MACF1: variants seen among roughly 807,000 people sequenced by gnomAD.
MACF1 encodes the protein microtubule actin crosslinking factor 1.
MACF1 carries 193 observed loss-of-function variants against 854.8 expected under a neutral mutation model. The observed-to-expected ratio is 0.23, with a 90% CI of 0.20 to 0.25. MACF1 has a LOEUF of 0.25. Ranked by LOEUF, MACF1 falls within the 10% of genes least tolerant of loss-of-function variation. MACF1 has a pLI of 1.00. For synonymous variants in MACF1, 3,185 were observed against 3,226.7 expected (o/e 0.99, Z 0.44); for missense variants, 7,722 against 8,929.1 (o/e 0.86, Z 5.45).
intron 6 of MACF1, among the ~76,000 whole-genome samples, chr1:39,270,077 A>G (rs1157534219): frequency 6.6e-6 from 1 of 152,210 alleles, no homozygotes; most frequent in Non-Finnish European, 1.5e-5. Flanking sequence ...ACAAGAGACG[A>G]TGGGGAAGGG....
At chr1:39,357,082 C>T (rs1010444369) in intron 44 of MACF1, among the ~76,000 whole-genome samples, 1 of 152,138 alleles carries the variant, frequency 6.6e-6, no homozygotes, top group African/African-American at 2.4e-5. Flanking sequence ...CTACTTCTAG[C>T]TTATAGGTAG....
At chr1:39,133,534 T>TCTC (rs559873975) in intron 2 of MACF1, among the ~76,000 whole-genome samples, 72 of 151,998 alleles carry the variant, frequency 4.7e-4, no homozygotes, top group South Asian at 1.5e-3. Context: ...CCTCATCCTT[T>TCTC]CTCCTCCTCC....
chr1:39,385,336 G>A, intron 56 of MACF1, 98 bp from the exon 57 acceptor site: 2 of 1,350,776 alleles, frequency 1.5e-6, no homozygotes, highest in South Asian at 2.8e-5. Context: ...CCAAAGTGCT[G>A]CGATTACAGG....
At chr1:39,477,145 C>CATATATACACTTAGTGT (rs1344013999) in intron 97 of MACF1, among the ~76,000 whole-genome samples, 1 of 133,888 alleles carries the variant, frequency 7.5e-6, no homozygotes, top group Non-Finnish European at 1.6e-5. Context: ...TACACACACA[C>CATATATACACTTAGTGT]ACACACACAG....
chr1:39,348,678 G>A (rs932932947), intron 41 of MACF1, among the ~76,000 whole-genome samples: 1 of 152,180 alleles, frequency 6.6e-6, no homozygotes, highest in Non-Finnish European at 1.5e-5. Flanking sequence ...CCATCAGAAG[G>A]TAGAAACTGG....
chr1:39,228,910 T>C (rs973889797), intron 1 of MACF1, among the ~76,000 whole-genome samples: 17 of 152,210 alleles, frequency 1.1e-4, no homozygotes, highest in Non-Finnish European at 2.9e-5. Flanking sequence ...CACCTCAGCC[T>C]CCCAAAGTGC....
intron 17 of MACF1, 28 bp from the exon 18 acceptor site, chr1:39,293,430 C>A: frequency 6.3e-7 from 1 of 1,586,470 alleles, no homozygotes; most frequent in Admixed American, 1.8e-5. Flanking sequence ...GGCTGCCAGT[C>A]TAATCTTATA....
intron 2 of MACF1, among the ~76,000 whole-genome samples, chr1:39,198,181 G>C (rs960844683): frequency 6.6e-6 from 1 of 152,114 alleles, no homozygotes; most frequent in East Asian, 1.9e-4. Flanking sequence ...TTGGACTACA[G>C]AGTAAGACCC....
chr1:39,435,410 C>A, intron 69 of MACF1, 148 bp from the exon 70 acceptor site: 2 of 656,274 alleles, frequency 3.0e-6, no homozygotes, highest in Non-Finnish European at 5.3e-6. Flanking sequence ...TTTTTCTGTT[C>A]CCACACAAAT....
At chr1:39,368,073 C>T (rs1648896435) in intron 49 of MACF1, 75 bp from the exon 50 acceptor site, 5 of 1,258,896 alleles carry the variant, frequency 4.0e-6, no homozygotes, top group Non-Finnish European at 5.6e-6. Context: ...GCAAGCATAC[C>T]TCTTTCCTTA....
Position 39,105,440 on chromosome 1 carries a change from C to T in MACF1, c.220+21002C>T. 4.0e-6 allele frequency: 4 copies of T among 994,480 alleles called. No individual in the cohort carries two copies. The highest frequency in any genetic ancestry group is 4.8e-6 in the Non-Finnish European group (4 of 837,484). The allele number at this position is 994,480 out of a possible 1,614,324, so 61.6% of individuals were successfully genotyped here. A position where few individuals can be genotyped will look rare whatever the true frequency, so the allele number is the denominator to read the frequency against. On this transcript the variant is annotated intron_variant, in intron 2 of 93. Transcript: ENST00000361689. The surrounding 1 kb of genome is among the most constrained non-coding windows in gnomAD (Gnocchi z 5.9). ...CGGCGGAGCGCGAGCGGGCCGGGTGCGAGCGGACTGAGGAGCGGAGCGCGA... is the reference window on the plus strand; with the variant it reads ...CGGCGGAGCGCGAGCGGGCCGGGTGTGAGCGGACTGAGGAGCGGAGCGCGA...
intron 2 of MACF1, among the ~76,000 whole-genome samples, chr1:39,248,892 C>CT (rs903136204): frequency 1.0e-4 from 15 of 148,122 alleles, no homozygotes; most frequent in South Asian, 4.3e-4. Context: ...CCATGCCTGG[C>CT]TTTTTTTTTT....
At chr1:39,176,293 T>A (rs1009748437) in intron 2 of MACF1, among the ~76,000 whole-genome samples, 3 of 131,972 alleles carry the variant, frequency 2.3e-5, no homozygotes, top group Admixed American at 7.8e-5. Context: ...AAAAAAAAAA[T>A]TCTCACTTTC....
chr1:39,419,726 G>A (rs557711038), intron 58 of MACF1, among the ~76,000 whole-genome samples: 5 of 151,742 alleles, frequency 3.3e-5, no homozygotes, highest in Non-Finnish European at 7.4e-5. Context: ...TCCACCTCCC[G>A]GGTTCAAGCA....
chr1:39,403,297 C>T (rs544311052), intron 58 of MACF1, among the ~76,000 whole-genome samples: 1 of 152,184 alleles, frequency 6.6e-6, no homozygotes, highest in Admixed American at 6.5e-5. Context: ...CGGGGTTTCG[C>T]CATGTTGGCC....
At chr1:39,477,025 C>G (rs1169492133) in intron 97 of MACF1, among the ~76,000 whole-genome samples, 1 of 145,202 alleles carries the variant, frequency 6.9e-6, no homozygotes, top group African/African-American at 2.5e-5. Context: ...TATATATACA[C>G]ACACATATAT....
At chr1:39,315,033 A>G (rs1344484866) in intron 26 of MACF1, among the ~76,000 whole-genome samples, 3 of 152,198 alleles carry the variant, frequency 2.0e-5, no homozygotes, top group African/African-American at 7.2e-5. Flanking sequence ...ATTTCTTTAC[A>G]AGAATGTAAA....
chr1:39,383,424 T>A (rs1311778154), intron 56 of MACF1, among the ~76,000 whole-genome samples: 1 of 152,240 alleles, frequency 6.6e-6, no homozygotes, highest in African/African-American at 2.4e-5. Flanking sequence ...CCCCAAGAGC[T>A]TGTGTTTATC....
At position 39,335,351 on chromosome 1, in the gene MACF1, T is replaced by G; in HGVS notation, c.8763T>G (p.Ser2921=). The change falls in exon 37 of 101, where the codon TCT becomes TCG. Residue 2921 remains serine, a synonymous_variant. Transcript: ENST00000564288. Reference sequence around the variant, plus strand: ...CAGTGACAAAAATAGAAATTATTTCTCATATGAAGCAGTCTACCTCATGTC... The same window carrying G: ...CAGTGACAAAAATAGAAATTATTTCGCATATGAAGCAGTCTACCTCATGTC... ...EKAVTKIEII[S]HMKQSTSCLD... is the part of the protein sequence containing the mutation. The G allele has an allele frequency of 6.2e-7, 1 of 1,613,720 alleles. No homozygotes were observed. Among genetic ancestry groups the G allele is most frequent in the Non-Finnish European group, 8.5e-7 (1 of 1,179,776 alleles).
Sources: allele counts gnomAD v4.1 joint callset (sites outside exome capture counted in the v4.1 genomes callset), GRCh38; gene constraint gnomAD v4.1.1; non-coding constraint Gnocchi (gnomAD v3.1); transcripts MANE v1.5; gene names NCBI Gene and HGNC (gene_info 2026-07-23, HGNC 2026-07-21).